The following NRBP2 variants were observed in gnomAD, a reference collection of about 807,000 sequenced individuals.
NRBP2 encodes nuclear receptor-binding protein 2.
A neutral mutation model predicts 74.4 loss-of-function variants in NRBP2; 47 were observed. The observed-to-expected ratio is 0.63, with a 90% CI of 0.50 to 0.81. The LOEUF (loss-of-function observed/expected upper bound fraction) is 0.81. NRBP2 is among the 30% of genes least tolerant of loss of function. The pLI, the probability that NRBP2 is intolerant of heterozygous loss-of-function variation, is 0.00. For synonymous variants in NRBP2, 312 were observed against 273.8 expected, an observed-to-expected ratio of 1.14 and a Z score of -1.38; for missense variants, 613 against 690.1, an observed-to-expected ratio of 0.89 and a Z score of 1.25.
At position 143,833,768 on chromosome 8, in the gene NRBP2, A is replaced by G. The variant is rs1818248752; in HGVS notation, c.*1894T>C. 1 of 152,236 alleles carries G rather than the reference A, an allele frequency of 6.6e-6. No homozygotes were observed. The highest frequency in any genetic ancestry group is 2.4e-5 in the African/African-American group (1 of 41,460). 9.4% of individuals were successfully genotyped at this position (152,236 alleles called of 1,614,324 possible). ...TGATGCTTTTAAGTTCAGTTTAATCAGTAGTACAATGTTATGTATTTGCCA... is the reference window on the plus strand; with the variant it reads ...TGATGCTTTTAAGTTCAGTTTAATCGGTAGTACAATGTTATGTATTTGCCA... On this transcript the variant is annotated 3_prime_UTR_variant, in exon 18 of 18. Coordinates refer to ENST00000442628, the MANE Select transcript of NRBP2 (RefSeq NM_178564.4).
rs980589182 is a variant in NRBP2, at chr8:143,838,886, C to T, written c.741G>A (p.Leu247=). ...VDIFSFGMCA[L]EMAVLEIQTN... is the part of the protein sequence containing the mutation. ...AGGTGGAGGGCGGGGGCAGTACCTC[C>T]AGCGCACACATCCCAAAGGAGAAGA... is the stretch of plus-strand genomic sequence containing the variant. The change falls in exon 9 of 18, where the codon CTG becomes CTA. Residue 247 remains leucine, a synonymous_variant. Transcript: ENST00000442628. 3.0e-5 allele frequency: 49 copies of T among 1,613,006 alleles called. No individual in the cohort carries two copies. The highest frequency in any genetic ancestry group is 3.6e-5 in the Non-Finnish European group (43 of 1,179,678).
chr8:143,840,185 G>A lies in NRBP2; in HGVS notation c.174C>T (p.Ala58=). ...CCTCTACCCCCTCCTCCGTGTCCAT[G>A]GCTAGGAAGGTGCTCTGAAGCCCTG... ...NMPGLQSTFL[A]MDTEEGVEVV... is the part of the protein sequence containing the mutation. Residue 58 remains alanine, a synonymous_variant, in exon 2 of 18, where the codon GCC becomes GCT. Coordinates refer to ENST00000442628, the MANE Select transcript of NRBP2 (RefSeq NM_178564.4). The surrounding 1 kb of genome is among the most constrained non-coding windows in gnomAD (Gnocchi z 5.7). 2.0e-6 allele frequency: 3 copies of A among 1,536,164 alleles called. No homozygotes were observed. Among genetic ancestry groups the A allele is most frequent in the Non-Finnish European group, 1.7e-6 (2 of 1,146,902 alleles).
rs2130545030 is a variant in NRBP2 at position 143,837,992 on chromosome 8, C to A, written c.841-237G>T. On this transcript the variant is annotated intron_variant, in intron 10 of 17. Transcript: ENST00000442628. This position sits in a 1 kb window ranked among gnomAD's most constrained non-coding sequence, Gnocchi z 4.3. Reference sequence around the variant, plus strand: ...ACCATGCTCTGCTTCCCTCGACCCCCAAAAAATCGTGGGGAGAAGCCATGA... The same window carrying A: ...ACCATGCTCTGCTTCCCTCGACCCCAAAAAAATCGTGGGGAGAAGCCATGA... 2.9e-6 allele frequency: 2 copies of A among 699,584 alleles called. No individual in the cohort carries two copies. The highest frequency in any genetic ancestry group is 5.2e-6 in the Non-Finnish European group (2 of 385,800). The allele number at this position is 699,584 out of a possible 1,614,324, so 43.3% of individuals were successfully genotyped here.
rs781998563 is a variant in NRBP2 at position 143,835,895 on chromosome 8, C to T, written c.1382-20G>A. 8.7e-5 allele frequency: 139 copies of T among 1,600,408 alleles called. No individual in the cohort carries two copies. In the Middle Eastern group the frequency reaches 4.3e-3, roughly 49 times the overall value. On this transcript the variant is annotated intron_variant, in intron 16 of 17. Transcript: ENST00000442628. This position sits in a 1 kb window ranked among gnomAD's most constrained non-coding sequence, Gnocchi z 4.9. ...TGTCCGCTGAGGCAATGGCGTAAGG[C>T]GAGGCATGAGGCCGCTGCCCACCCG...
At chr8:143,830,497 C>T (rs115070240), downstream of NRBP2, among the ~76,000 whole-genome samples, 1,176 of 152,380 alleles carry the variant, frequency 7.7e-3, 16 homozygotes, top group African/African-American at 0.026. Flanking sequence ...CCCCTGCCTC[C>T]ACCCCTGGGC....
rs1554651628 is a variant in NRBP2 at position 143,836,040 on chromosome 8, C to T, written c.1318-10G>A. Reference sequence around the variant, plus strand: ...CCAGAAGCAGAGTGAGCTGGGGAGGCGGCGGGGCGTGGTCGGCTGGGGGTT... The same window carrying T: ...CCAGAAGCAGAGTGAGCTGGGGAGGTGGCGGGGCGTGGTCGGCTGGGGGTT... On this transcript the variant is annotated splice_polypyrimidine_tract_variant and intron_variant, in intron 15 of 17. Coordinates refer to ENST00000442628, the MANE Select transcript of NRBP2 (RefSeq NM_178564.4). The T allele has an allele frequency of 1.2e-5, 19 of 1,563,406 alleles. No homozygotes were observed. The highest frequency in any genetic ancestry group is 2.8e-5 in the African/African-American group (2 of 72,578).
chr8:143,837,598 C>G lies in NRBP2; in HGVS notation c.973+25G>C. The G allele has an allele frequency of 1.3e-6, 2 of 1,595,306 alleles. No individual in the cohort carries two copies. The highest frequency in any genetic ancestry group is 1.7e-6 in the Non-Finnish European group (2 of 1,171,806). ...GTCCCAACCTCCACCTCCCCAGCCA[C>G]CCCCCGGGCCGGCCTGCTGCTCACA... On this transcript the variant is annotated intron_variant, in intron 11 of 17. Coordinates refer to ENST00000442628, the MANE Select transcript of NRBP2 (RefSeq NM_178564.4). The surrounding 1 kb of genome is among the most constrained non-coding windows in gnomAD (Gnocchi z 4.3).
Position 143,835,976 on chromosome 8 carries a change from G to A in NRBP2, c.1372C>T (p.Leu458=), listed in dbSNP as rs1554651572. The A allele has an allele frequency of 3.2e-6, 5 of 1,586,710 alleles. No homozygotes were observed. Among genetic ancestry groups the A allele is most frequent in the Admixed American group, 3.5e-5 (2 of 57,566 alleles). ...CCCCTGCCCAGCCTACTTGGGAGCA[G>A]GTCGTAGGTCAGCTGCCGGTGCAGC... is the stretch of plus-strand genomic sequence containing the variant. The part of the protein sequence containing the change: ...DRLHRQLTYD[L]LPTDSAQDLA... Residue 458 remains leucine, a synonymous_variant, in exon 16 of 18, where the codon CTG becomes TTG. Coordinates refer to ENST00000442628, the MANE Select transcript of NRBP2 (RefSeq NM_178564.4). The surrounding 1 kb of genome is among the most constrained non-coding windows in gnomAD (Gnocchi z 4.9).
chr8:143,832,675 T>C (rs187942299), downstream of NRBP2, among the ~76,000 whole-genome samples: 4 of 152,370 alleles, frequency 2.6e-5, no homozygotes, highest in Non-Finnish European at 1.5e-5. Context: ...TTACATTGTC[T>C]ATGATGCAAA....
In NRBP2 at chr8:143,840,343, G is replaced by A; in HGVS notation, c.130-114C>T. On this transcript the variant is annotated intron_variant, in intron 1 of 17. Transcript: ENST00000442628. This position sits in a 1 kb window ranked among gnomAD's most constrained non-coding sequence, Gnocchi z 5.7. Reference sequence around the variant, plus strand: ...CCCAAGCGTGGGCTGCAGGCCCTGAGCCACTCTGCGGGAAGGTGGGGCTTG... The same window carrying A: ...CCCAAGCGTGGGCTGCAGGCCCTGAACCACTCTGCGGGAAGGTGGGGCTTG... 1.4e-6 allele frequency: 2 copies of A among 1,383,564 alleles called. No individual in the cohort carries two copies. Among genetic ancestry groups the A allele is most frequent in the South Asian group, 2.8e-5 (2 of 71,802 alleles). The allele number at this position is 1,383,564 out of a possible 1,614,324, so 85.7% of individuals were successfully genotyped here.
At position 143,835,889 on chromosome 8, in the gene NRBP2, G is replaced by T. The variant is rs782288208; in HGVS notation, c.1382-14C>A. The T allele has an allele frequency of 5.6e-6, 9 of 1,601,314 alleles. No homozygotes were observed. The highest frequency in any genetic ancestry group is 7.6e-6 in the Non-Finnish European group (9 of 1,177,520). Reference sequence around the variant, plus strand: ...GGGCGCTGTCCGCTGAGGCAATGGCGTAAGGCGAGGCATGAGGCCGCTGCC... The same window carrying T: ...GGGCGCTGTCCGCTGAGGCAATGGCTTAAGGCGAGGCATGAGGCCGCTGCC... On this transcript the variant is annotated splice_polypyrimidine_tract_variant and intron_variant, in intron 16 of 17. Coordinates refer to ENST00000442628, the MANE Select transcript of NRBP2 (RefSeq NM_178564.4). The surrounding 1 kb of genome is among the most constrained non-coding windows in gnomAD (Gnocchi z 4.9).
chr8:143,835,766 G>A lies in NRBP2; in HGVS notation c.1438-36C>T, dbSNP rs375725425. 300 of 1,596,608 alleles carry A rather than the reference G, an allele frequency of 1.9e-4. No homozygotes were observed. The highest frequency in any genetic ancestry group is 1.6e-4 in the Non-Finnish European group (190 of 1,173,020). On this transcript the variant is annotated intron_variant, in intron 17 of 17. Transcript: ENST00000442628. This position sits in a 1 kb window ranked among gnomAD's most constrained non-coding sequence, Gnocchi z 4.9. ...AGGGAGGCATGGGGGACGGAGGGGC[G>A]CGGCCTGCCCCGTGCGCCCCCTCCG... is the stretch of plus-strand genomic sequence containing the variant.
chr8:143,838,999 G>A lies in NRBP2; in HGVS notation c.688+18C>T, dbSNP rs1342244056. On this transcript the variant is annotated intron_variant, in intron 8 of 17. Transcript: ENST00000442628. ...AGCGCAGGGTAGGCACGGGGCACCCGGACCCAGCACCACTCACCTCCATAC... is the reference window on the plus strand; with the variant it reads ...AGCGCAGGGTAGGCACGGGGCACCCAGACCCAGCACCACTCACCTCCATAC... 1.2e-5 allele frequency: 19 copies of A among 1,552,726 alleles called. No homozygotes were observed. The African/African-American group carries it at 1.9e-4, about 16-fold the overall frequency.
chr8:143,832,761 A>G (rs1213513323), downstream of NRBP2, among the ~76,000 whole-genome samples: 4 of 152,322 alleles, frequency 2.6e-5, no homozygotes, highest in African/African-American at 9.6e-5. Flanking sequence ...CCCCTCTTCG[A>G]GAAACACCCA....
At position 143,837,348 on chromosome 8, in the gene NRBP2, G is replaced by T. The variant is rs1417936192; in HGVS notation, c.1077-49C>A. The T allele has an allele frequency of 2.6e-6, 4 of 1,522,354 alleles. No individual in the cohort carries two copies. The African/African-American group carries it at 4.1e-5, about 16-fold the overall frequency. 94.3% of individuals were successfully genotyped at this position (1,522,354 alleles called of 1,614,324 possible). A position where few individuals can be genotyped will look rare whatever the true frequency, so the allele number is the denominator to read the frequency against. ...TGAGGGGCTGGCCGGGGCGAGGGGA[G>T]GGGAGGTGCGGGGAGGGGAGGTGTG... On this transcript the variant is annotated intron_variant, in intron 12 of 17. Coordinates refer to ENST00000442628, the MANE Select transcript of NRBP2 (RefSeq NM_178564.4). This position sits in a 1 kb window ranked among gnomAD's most constrained non-coding sequence, Gnocchi z 4.3.
chr8:143,832,308 G>T (rs2130504040), downstream of NRBP2, among the ~76,000 whole-genome samples: 1 of 151,982 alleles, frequency 6.6e-6, no homozygotes, highest in East Asian at 1.9e-4. Context: ...CCTCTGCCTA[G>T]GAAAGCCAGG....
Position 143,837,522 on chromosome 8 carries a change from G to C in NRBP2, c.974-13C>G. ...TCAGGCATGAGGTCTGCGGCCACAA[G>C]AGCATCAAGGCGGTGTGCTCAGGCC... On this transcript the variant is annotated splice_polypyrimidine_tract_variant and intron_variant, in intron 11 of 17. Transcript: ENST00000442628. The surrounding 1 kb of genome is among the most constrained non-coding windows in gnomAD (Gnocchi z 4.3). The C allele has an allele frequency of 6.2e-7, 1 of 1,605,486 alleles. No homozygotes were observed. The highest frequency in any genetic ancestry group is 8.5e-7 in the Non-Finnish European group (1 of 1,176,344).
rs782454179 is a variant in NRBP2 at position 143,837,803 on chromosome 8, C to G, written c.841-48G>C. 3.2e-6 allele frequency: 5 copies of G among 1,550,652 alleles called. No individual in the cohort carries two copies. Among genetic ancestry groups the G allele is most frequent in the Non-Finnish European group, 4.4e-6 (5 of 1,147,200 alleles). ...TGGTGGTGTGCAAGGGCTCTCTGCTCTGGCCCCGCAGTTCGAGGAGAGGTG... is the reference window on the plus strand; with the variant it reads ...TGGTGGTGTGCAAGGGCTCTCTGCTGTGGCCCCGCAGTTCGAGGAGAGGTG... On this transcript the variant is annotated intron_variant, in intron 10 of 17. Transcript: ENST00000442628. This position sits in a 1 kb window ranked among gnomAD's most constrained non-coding sequence, Gnocchi z 4.3.
chr8:143,836,445 T>C (rs997404930), intron 14 of NRBP2, among the ~76,000 whole-genome samples: 1 of 147,898 alleles, frequency 6.8e-6, no homozygotes, highest in African/African-American at 2.5e-5. Flanking sequence ...GAAAGGGAGG[T>C]TGGGCGGGAC....
Sources: gnomAD v4.1 joint callset for allele counts (sites outside exome capture counted in the v4.1 genomes callset) on GRCh38, gnomAD v4.1.1 for gene constraint, Gnocchi (gnomAD v3.1) non-coding constraint, MANE v1.5 for transcripts, NCBI Gene and HGNC (gene_info 2026-07-23, HGNC 2026-07-21) for gene names.